Variants in PRKCZ observed in about 807,000 individuals in gnomAD.
The protein encoded by PRKCZ is protein kinase C zeta, also known as protein kinase C zeta type.
In PRKCZ, 33 loss-of-function variants were observed where a neutral mutation model predicts 79.5. The ratio of observed to expected loss-of-function variants is 0.41; its 90% CI spans 0.31 to 0.55. The LOEUF is 0.55. Among genes scored for constraint, PRKCZ ranks in the 20% least tolerant of loss-of-function variants. The pLI, the probability that PRKCZ is intolerant of heterozygous loss-of-function variation, is 0.19. For missense variants in PRKCZ, 578 were observed against 813.5 expected, an observed-to-expected ratio of 0.71 and a Z score of 3.52; for synonymous variants, 342 against 320.9, an observed-to-expected ratio of 1.07 and a Z score of -0.70.
At chr1:2,148,616 A>G (rs1402580396) in intron 7 of PRKCZ, among the ~76,000 whole-genome samples, 3 of 152,170 alleles carry the variant, frequency 2.0e-5, no homozygotes, top group Non-Finnish European at 4.4e-5. Context: ...CCGGTGACGA[A>G]TTATTTGCAG....
intron 4 of PRKCZ, among the ~76,000 whole-genome samples, chr1:2,100,182 G>A (rs1290277097): frequency 1.3e-5 from 2 of 152,354 alleles, no homozygotes; most frequent in East Asian, 3.9e-4. Flanking sequence ...CATACTGCTG[G>A]CCTTTCCTGG....
chr1:2,122,123 G>GGTGGTGGTTAGGGTT lies in PRKCZ; in HGVS notation c.335-13125_335-13124insTGTGGTGGTTAGGGT, dbSNP rs1672323531. 7.0e-5 allele frequency among the ~76,000 whole-genome samples: 3 copies of GGTGGTGGTTAGGGTT among 42,900 alleles called. 1 individual carries two copies. Among genetic ancestry groups the GGTGGTGGTTAGGGTT allele is most frequent in the Non-Finnish European group, 1.1e-4 (3 of 26,358 alleles). The allele number at this position is 42,900 out of a possible 152,430, so 28.1% of individuals were successfully genotyped here. Reference sequence around the variant, plus strand: ...GGGTCATGGTGGTGGTTAGGGTCACGGTGGTGGTTAGGGTCGTGGTGGTTA... The same window carrying GGTGGTGGTTAGGGTT: ...GGGTCATGGTGGTGGTTAGGGTCACGGTGGTGGTTAGGGTTGTGGTGGTTAGGGTCGTGGTGGTTA... On this transcript the variant is annotated intron_variant, in intron 4 of 17. Coordinates refer to ENST00000378567, the MANE Select transcript of PRKCZ (RefSeq NM_002744.6).
intron 4 of PRKCZ, among the ~76,000 whole-genome samples, chr1:2,067,066 T>G (rs1661179828): frequency 6.6e-6 from 1 of 152,264 alleles, no homozygotes; most frequent in South Asian, 2.1e-4. Context: ...TTCCATATAT[T>G]TGCGAATTCT....
chr1:2,104,923 A>G (rs752423291), intron 4 of PRKCZ: 1 of 984,984 alleles, frequency 1.0e-6, no homozygotes, highest in Non-Finnish European at 1.2e-6. Context: ...TTCACACCTC[A>G]TTACACAGCA....
intron 4 of PRKCZ, among the ~76,000 whole-genome samples, chr1:2,083,545 C>T (rs973059518): frequency 3.3e-5 from 5 of 152,136 alleles, no homozygotes; most frequent in Non-Finnish European, 7.4e-5. Context: ...ACAAAATATT[C>T]GGCAAGAGAG....
chr1:2,116,608 G>A (rs550152973), intron 4 of PRKCZ, among the ~76,000 whole-genome samples: 1 of 152,292 alleles, frequency 6.6e-6, no homozygotes, highest in African/African-American at 2.4e-5. Flanking sequence ...CTGGCTGTGT[G>A]TGGGGCCTCT....
intron 4 of PRKCZ, among the ~76,000 whole-genome samples, chr1:2,100,270 G>A (rs527293043): frequency 3.3e-5 from 5 of 152,336 alleles, no homozygotes; most frequent in South Asian, 4.1e-4. Flanking sequence ...AAACGCCCAC[G>A]TCAGGGTGAC....
intron 4 of PRKCZ, among the ~76,000 whole-genome samples, chr1:2,108,452 C>T (rs1160611554): frequency 6.6e-6 from 1 of 152,216 alleles, no homozygotes; most frequent in African/African-American, 2.4e-5. Context: ...GGGGCCGTGG[C>T]GGCTCCGAGG....
At chr1:2,152,219 A>G in intron 9 of PRKCZ, among the ~76,000 whole-genome samples, 1 of 152,180 alleles carries the variant, frequency 6.6e-6, no homozygotes. Context: ...TACACATGAC[A>G]TAGAATTTGC....
Position 2,177,149 on chromosome 1 carries a change from C to G in PRKCZ, c.1575+1836C>G, listed in dbSNP as rs1215778323. On this transcript the variant is annotated intron_variant, in intron 16 of 17. Coordinates refer to ENST00000378567, the MANE Select transcript of PRKCZ (RefSeq NM_002744.6). The surrounding 1 kb of genome is among the most constrained non-coding windows in gnomAD (Gnocchi z 6.4). Reference sequence around the variant, plus strand: ...TAGTGGGGTTACTGGTGGCGTTCCCCTATCTCAGGCCACACCTGGCCTAGC... The same window carrying G: ...TAGTGGGGTTACTGGTGGCGTTCCCGTATCTCAGGCCACACCTGGCCTAGC... 1.3e-5 allele frequency among the ~76,000 whole-genome samples: 2 copies of G among 152,126 alleles called. No individual in the cohort carries two copies. Among genetic ancestry groups the G allele is most frequent in the Non-Finnish European group, 2.9e-5 (2 of 68,004 alleles).
intron 7 of PRKCZ, among the ~76,000 whole-genome samples, chr1:2,146,961 C>T (rs912694234): frequency 2.6e-5 from 4 of 152,106 alleles, no homozygotes; most frequent in Non-Finnish European, 5.9e-5. Context: ...ATTCTCCATC[C>T]ATCCACCACC....
At chr1:2,184,743 C>T in intron 17 of PRKCZ, 45 bp downstream of exon 17, 10 of 1,564,856 alleles carry the variant, frequency 6.4e-6, no homozygotes, top group Non-Finnish European at 8.7e-6. Context: ...CCTCGGGCAG[C>T]CCCATGGCAG....
At chr1:2,061,032 C>T (rs1026572696) in intron 4 of PRKCZ, among the ~76,000 whole-genome samples, 2 of 152,226 alleles carry the variant, frequency 1.3e-5, no homozygotes, top group African/African-American at 4.8e-5. Flanking sequence ...GTGGGTGAGA[C>T]GATGGTTGTC....
chr1:2,137,196 C>T (rs947140816), intron 5 of PRKCZ, among the ~76,000 whole-genome samples: 26 of 152,132 alleles, frequency 1.7e-4, no homozygotes, highest in African/African-American at 6.0e-4. Context: ...CAGGGTAGGA[C>T]GAGTGGCAGG....
chr1:2,125,051 C>T lies in PRKCZ; in HGVS notation c.335-10211C>T, dbSNP rs949012397. Among the ~76,000 whole-genome samples, 6 of 152,136 alleles carry T rather than the reference C, an allele frequency of 3.9e-5. No individual in the cohort carries two copies. Among genetic ancestry groups the T allele is most frequent in the African/African-American group, 1.2e-4 (5 of 41,412 alleles). On this transcript the variant is annotated intron_variant, in intron 4 of 17. Transcript: ENST00000378567. This position sits in a 1 kb window ranked among gnomAD's most constrained non-coding sequence, Gnocchi z 4.2. ...GGGCCTTGCCAGCCTGGCTCTGTGC[C>T]GGGCGCTGGGCAATCTCTGCCTCCA...
intron 4 of PRKCZ, among the ~76,000 whole-genome samples, chr1:2,122,120 CACG>C (rs1282785865): frequency 1.9e-5 from 1 of 54,000 alleles, no homozygotes; most frequent in Admixed American, 1.9e-4. Flanking sequence ...TGGTTAGGGT[CACG>C]GTGGTGGTTA....
intron 4 of PRKCZ, among the ~76,000 whole-genome samples, chr1:2,081,006 C>T (rs925458568): frequency 4.6e-5 from 7 of 152,176 alleles, no homozygotes; most frequent in Non-Finnish European, 7.3e-5. Context: ...GCAGCCTGTC[C>T]GTGCTGGCCT....
In PRKCZ at chr1:2,082,941, G is replaced by A. The variant is rs1663839913; in HGVS notation, c.334+23350G>A. On this transcript the variant is annotated intron_variant, in intron 4 of 17. Transcript: ENST00000378567. This position sits in a 1 kb window ranked among gnomAD's most constrained non-coding sequence, Gnocchi z 4.4. ...CGAGAGGGTGGAGGGGCGGCATGAG[G>A]GAGCAAGCCACCTCGGGCACAGGTG... is the stretch of plus-strand genomic sequence containing the variant. Among the ~76,000 whole-genome samples, 1 of 152,036 alleles carries A rather than the reference G, an allele frequency of 6.6e-6. No homozygotes were observed. The highest frequency in any genetic ancestry group is 1.5e-5 in the Non-Finnish European group (1 of 67,988).
chr1:2,184,770 G>C, intron 17 of PRKCZ, 72 bp downstream of exon 17: 1 of 1,482,114 alleles, frequency 6.7e-7, no homozygotes, highest in South Asian at 1.2e-5. Flanking sequence ...ACCTTGGGCA[G>C]CTGGTGACCC....
Sources: allele counts gnomAD v4.1 joint callset (sites outside exome capture counted in the v4.1 genomes callset), GRCh38; gene constraint gnomAD v4.1.1; non-coding constraint Gnocchi (gnomAD v3.1); transcripts MANE v1.5; gene names NCBI Gene and HGNC (gene_info 2026-07-23, HGNC 2026-07-21).